SORCS2: variants seen among roughly 807,000 people sequenced by gnomAD.
SORCS2 encodes the protein VPS10 domain-containing receptor SorCS2.
SORCS2 carries 100 observed loss-of-function variants against 141.6 expected under a neutral mutation model. The observed-to-expected ratio is 0.71, with a 90% CI of 0.60 to 0.83. SORCS2 has a LOEUF of 0.83. Among genes scored for constraint, SORCS2 ranks in the 40% least tolerant of loss-of-function variants. The probability of loss-of-function intolerance (pLI) is 0.00; values close to 1 mark genes in which losing one functional copy is unlikely to be tolerated. For synonymous variants in SORCS2, 789 were observed against 676.9 expected, an observed-to-expected ratio of 1.17 and a Z score of -2.57; for missense variants, 1,646 against 1,560.2, an observed-to-expected ratio of 1.05 and a Z score of -0.93.
At chr4:7,237,813 G>A (rs554387668) in intron 1 of SORCS2, among the ~76,000 whole-genome samples, 1 of 151,836 alleles carries the variant, frequency 6.6e-6, no homozygotes, top group Non-Finnish European at 1.5e-5. Flanking sequence ...GGGGAGTTTC[G>A]TTTTCTCCTT....
At chr4:7,683,332 C>G (rs1403884348) in intron 10 of SORCS2, among the ~76,000 whole-genome samples, 1 of 136,256 alleles carries the variant, frequency 7.3e-6, no homozygotes, top group Non-Finnish European at 1.6e-5. Context: ...CTGACCTTGG[C>G]TGGGCTCCGC....
intron 2 of SORCS2, among the ~76,000 whole-genome samples, chr4:7,454,045 A>G (rs1369820806): frequency 5.1e-5 from 3 of 59,128 alleles, no homozygotes; most frequent in South Asian, 7.3e-4. Flanking sequence ...GGGGCCAGGC[A>G]CTGTGTTGGG....
At chr4:7,457,803 G>A (rs1729015438) in intron 2 of SORCS2, among the ~76,000 whole-genome samples, 1 of 152,248 alleles carries the variant, frequency 6.6e-6, no homozygotes, top group Non-Finnish European at 1.5e-5. Flanking sequence ...CATGGCCTCT[G>A]GGGAAGAGGC....
At chr4:7,513,011 A>G (rs972422561) in intron 2 of SORCS2, among the ~76,000 whole-genome samples, 2 of 152,162 alleles carry the variant, frequency 1.3e-5, no homozygotes, top group African/African-American at 4.8e-5. Flanking sequence ...TTCCTGGAAT[A>G]CAGGAGGTGC....
chr4:7,421,680 C>A (rs940194685), intron 2 of SORCS2, among the ~76,000 whole-genome samples: 2 of 152,106 alleles, frequency 1.3e-5, no homozygotes, highest in Non-Finnish European at 2.9e-5. Flanking sequence ...CCGGGGACAG[C>A]GAGTGACTGT....
At chr4:7,290,007 C>A (rs560701353) in intron 1 of SORCS2, among the ~76,000 whole-genome samples, 37 of 152,326 alleles carry the variant, frequency 2.4e-4, no homozygotes, top group African/African-American at 8.2e-4. Context: ...CACTCCCAGG[C>A]TGCGAGGGAG....
chr4:7,490,863 T>C (rs1731274377), intron 2 of SORCS2, among the ~76,000 whole-genome samples: 1 of 152,120 alleles, frequency 6.6e-6, no homozygotes, highest in Non-Finnish European at 1.5e-5. Context: ...ACTGCCCTGC[T>C]TCCTCTGTGC....
chr4:7,589,889 C>A (rs1028081036), intron 3 of SORCS2, among the ~76,000 whole-genome samples: 1 of 152,206 alleles, frequency 6.6e-6, no homozygotes, highest in Admixed American at 6.5e-5. Context: ...TCTGTCATAT[C>A]TAGAGCAGCG....
chr4:7,593,167 A>C (rs1717029296), intron 3 of SORCS2, among the ~76,000 whole-genome samples: 2 of 152,176 alleles, frequency 1.3e-5, no homozygotes, highest in African/African-American at 4.8e-5. Flanking sequence ...GCCCTGTTTC[A>C]AAAAACAAAC....
intron 1 of SORCS2, among the ~76,000 whole-genome samples, chr4:7,203,183 A>G (rs1727564250): frequency 6.6e-6 from 1 of 152,158 alleles, no homozygotes; most frequent in East Asian, 1.9e-4. Flanking sequence ...TGTAATCCCA[A>G]CACTTTGGGA....
At chr4:7,390,465 T>C (rs776875984) in intron 1 of SORCS2, among the ~76,000 whole-genome samples, 2 of 152,220 alleles carry the variant, frequency 1.3e-5, no homozygotes, top group Non-Finnish European at 2.9e-5. Flanking sequence ...AGAGCAAACC[T>C]GGTAAAGACG....
intron 11 of SORCS2, among the ~76,000 whole-genome samples, chr4:7,692,811 C>T (rs559772108): frequency 2.0e-5 from 3 of 152,272 alleles, no homozygotes; most frequent in Admixed American, 2.0e-4. Flanking sequence ...GAGGGCACCG[C>T]GTGTGCAGGG....
At chr4:7,710,952 G>C (rs1054599766) in intron 14 of SORCS2, among the ~76,000 whole-genome samples, 6 of 152,220 alleles carry the variant, frequency 3.9e-5, no homozygotes, top group Non-Finnish European at 7.3e-5. Context: ...AGATGGGACT[G>C]TGAGCCCAGA....
At chr4:7,724,338 GATGATGGTAACAGTAGTGGTAGTA>G in intron 19 of SORCS2, among the ~76,000 whole-genome samples, 1 of 139,070 alleles carries the variant, frequency 7.2e-6, no homozygotes, top group Non-Finnish European at 1.5e-5. Flanking sequence ...GGGTGATGGT[GATGATGGTAACAGTAGTGGTAGTA>G]ATGGTGATGA....
intron 3 of SORCS2, among the ~76,000 whole-genome samples, chr4:7,619,595 G>A (rs1719015329): frequency 1.3e-5 from 2 of 152,160 alleles, no homozygotes; most frequent in South Asian, 4.1e-4. Context: ...CAATGACTGT[G>A]GTCCCTGGAG....
intron 3 of SORCS2, among the ~76,000 whole-genome samples, chr4:7,552,846 G>C (rs924657846): frequency 6.6e-6 from 1 of 152,196 alleles, no homozygotes; most frequent in Admixed American, 6.5e-5. Flanking sequence ...CCTCTGGAGA[G>C]AGCTTATTCC....
At chr4:7,560,988 TG>T (rs533481947) in intron 3 of SORCS2, among the ~76,000 whole-genome samples, 172 of 152,254 alleles carry the variant, frequency 1.1e-3, no homozygotes, top group Non-Finnish European at 1.9e-3. Context: ...CCGCCATATT[TG>T]GGGACTGCAG....
At chr4:7,408,728 C>T (rs950480989) in intron 2 of SORCS2, among the ~76,000 whole-genome samples, 1 of 152,128 alleles carries the variant, frequency 6.6e-6, no homozygotes, top group African/African-American at 2.4e-5. Context: ...TCCTGAACAC[C>T]GATAATTCTT....
At chr4:7,220,827 A>G (rs973359927) in intron 1 of SORCS2, among the ~76,000 whole-genome samples, 3 of 152,104 alleles carry the variant, frequency 2.0e-5, no homozygotes, top group African/African-American at 7.2e-5. Context: ...CTTGGGGATG[A>G]GTTTGTGAGA....
Sources: allele counts gnomAD v4.1 joint callset (sites outside exome capture counted in the v4.1 genomes callset), GRCh38; gene constraint gnomAD v4.1.1; transcripts MANE v1.5; gene names NCBI Gene and HGNC (gene_info 2026-07-23, HGNC 2026-07-21).